Variants in SGTB observed in about 807,000 individuals in gnomAD.
SGTB encodes small glutamine rich tetratricopeptide repeat co-chaperone beta.
Under a neutral mutation model 43.9 loss-of-function variants are expected in SGTB, and 19 were observed. The ratio of observed to expected loss-of-function variants is 0.43; its 90% CI spans 0.30 to 0.63. The LOEUF is 0.63. Among genes scored for constraint, SGTB ranks in the 30% least tolerant of loss-of-function variants. The pLI, the probability that SGTB is intolerant of heterozygous loss-of-function variation, is 0.12. For synonymous variants in SGTB, 116 were observed against 117.3 expected (o/e 0.99, Z 0.07); for missense variants, 304 against 358.9 (o/e 0.85, Z 1.24).
chr5:65,674,018 T>C (rs780588463), intron 8 of SGTB, among the ~76,000 whole-genome samples: 38 of 152,046 alleles, frequency 2.5e-4, no homozygotes, highest in Admixed American at 1.4e-3. Context: ...TGATTAAGAG[T>C]TGTGGCCCTC....
rs1354451625 is a variant in SGTB at position 65,720,694 on chromosome 5, G to A, written c.100+14C>T. 7 of 1,606,812 alleles carry A rather than the reference G, an allele frequency of 4.4e-6. No individual in the cohort carries two copies. In the South Asian group the frequency reaches 7.9e-5, roughly 18 times the overall value. On this transcript the variant is annotated intron_variant, in intron 2 of 10. Coordinates refer to ENST00000381007, the MANE Select transcript of SGTB (RefSeq NM_019072.3). ...TAATTATAATATAAATGAACACAAA[G>A]AGCAGATGCATACCTTCCAAACTTT...
intron 6 of SGTB, among the ~76,000 whole-genome samples, chr5:65,681,272 G>T (rs1757391187): frequency 6.6e-6 from 1 of 152,024 alleles, no homozygotes; most frequent in South Asian, 2.1e-4. Flanking sequence ...TAAGAAAACA[G>T]GCTGTAGTTA....
intron 9 of SGTB, 109 bp from the exon 10 acceptor site, chr5:65,672,107 C>CAAATGT: frequency 6.4e-7 from 1 of 1,566,286 alleles, no homozygotes; most frequent in Non-Finnish European, 8.8e-7. Context: ...AGAGGCTAGG[C>CAAATGT]CAAATGTGTG....
upstream of SGTB, chr5:65,722,502 C>T: frequency 8.2e-7 from 1 of 1,214,272 alleles, no homozygotes; most frequent in South Asian, 1.3e-5. Context: ...CACCCCTTCC[C>T]GACCGCGCCT....
At chr5:65,710,762 C>T (rs1388166687) in intron 3 of SGTB, among the ~76,000 whole-genome samples, 1 of 151,974 alleles carries the variant, frequency 6.6e-6, no homozygotes, top group Non-Finnish European at 1.5e-5. Flanking sequence ...GGAGCCAAGG[C>T]GGGCGGATCA....
At chr5:65,715,234 GA>G (rs1758127089) in intron 2 of SGTB, among the ~76,000 whole-genome samples, 2 of 152,080 alleles carry the variant, frequency 1.3e-5, no homozygotes, top group South Asian at 4.1e-4. Flanking sequence ...TATTCCTAAT[GA>G]AAATAATAGA....
At chr5:65,700,682 CAAAAAAA>C (rs376335799) in intron 5 of SGTB, among the ~76,000 whole-genome samples, 4 of 80,810 alleles carry the variant, frequency 4.9e-5, no homozygotes, top group South Asian at 3.7e-4. Flanking sequence ...CTCTGTCTCC[CAAAAAAA>C]AAAAAAAAAG....
chr5:65,696,182 C>A (rs1384151365), intron 5 of SGTB, among the ~76,000 whole-genome samples: 2 of 152,228 alleles, frequency 1.3e-5, no homozygotes, highest in African/African-American at 2.4e-5. Context: ...TCTCCTCTGC[C>A]TATCCAAGTT....
At chr5:65,722,192 G>T, upstream of SGTB, 1 of 303,896 alleles carries the variant, frequency 3.3e-6, no homozygotes, top group Non-Finnish European at 5.9e-6. Flanking sequence ...GCACGGCGCG[G>T]GGCGGGGCTG....
At chr5:65,687,924 A>G (rs898045604) in intron 5 of SGTB, among the ~76,000 whole-genome samples, 2 of 152,060 alleles carry the variant, frequency 1.3e-5, no homozygotes, top group Non-Finnish European at 2.9e-5. Flanking sequence ...GTGTGCCACC[A>G]TACCCGGCTA....
chr5:65,680,922 G>A, intron 6 of SGTB, 128 bp from the exon 7 acceptor site: 8 of 1,059,124 alleles, frequency 7.6e-6, no homozygotes, highest in Non-Finnish European at 1.1e-5. Context: ...TTTATTCACT[G>A]TACTATGGCT....
intron 2 of SGTB, among the ~76,000 whole-genome samples, chr5:65,716,235 T>C (rs1356182455): frequency 6.6e-6 from 1 of 152,192 alleles, no homozygotes; most frequent in Non-Finnish European, 1.5e-5. Context: ...GGTACATTTA[T>C]AAAGAGAAAG....
chr5:65,710,633 T>C (rs1017786007), intron 3 of SGTB, among the ~76,000 whole-genome samples: 6 of 152,328 alleles, frequency 3.9e-5, no homozygotes, highest in Middle Eastern at 3.4e-3. Context: ...GAATTTACAC[T>C]TTCTCTGCCA....
At chr5:65,676,353 A>G (rs1450795499) in intron 8 of SGTB, among the ~76,000 whole-genome samples, 1 of 152,098 alleles carries the variant, frequency 6.6e-6, no homozygotes, top group African/African-American at 2.4e-5. Flanking sequence ...GCATTACATA[A>G]TGGTAAAGGG....
chr5:65,707,135 C>T (rs1396273823), intron 4 of SGTB, among the ~76,000 whole-genome samples: 9 of 148,484 alleles, frequency 6.1e-5, no homozygotes, highest in East Asian at 4.2e-4. Flanking sequence ...TGGTGGCACG[C>T]GCCTATGATC....
rs1757102642 is a variant in SGTB, at chr5:65,669,099, A to G, written c.*1147T>C. ...ATGCCCCTTTTCTCCACTAACTAAT[A>G]TGGCATCTAATTTATAATAAAATAT... On this transcript the variant is annotated 3_prime_UTR_variant, in exon 11 of 11. Transcript: ENST00000381007. 6.6e-6 allele frequency: 1 copy of G among 152,176 alleles called. No homozygotes were observed. Among genetic ancestry groups the G allele is most frequent in the African/African-American group, 2.4e-5 (1 of 41,448 alleles). 9.4% of individuals were successfully genotyped at this position (152,176 alleles called of 1,614,324 possible). A position where few individuals can be genotyped will look rare whatever the true frequency, so the allele number is the denominator to read the frequency against.
intron 8 of SGTB, among the ~76,000 whole-genome samples, chr5:65,673,241 T>C (rs373100866): frequency 1.1e-4 from 16 of 152,330 alleles, no homozygotes; most frequent in African/African-American, 3.8e-4. Context: ...TACATAAAGC[T>C]TCATTTACAG....
chr5:65,708,332 C>CT (rs1757974291), intron 4 of SGTB, among the ~76,000 whole-genome samples, 157 bp downstream of exon 4: 1 of 152,116 alleles, frequency 6.6e-6, no homozygotes, highest in African/African-American at 2.4e-5. Flanking sequence ...TACTTCCAGG[C>CT]TTCTTACCCA....
At chr5:65,689,537 A>T (rs1757565849) in intron 5 of SGTB, among the ~76,000 whole-genome samples, 1 of 152,242 alleles carries the variant, frequency 6.6e-6, no homozygotes, top group African/African-American at 2.4e-5. Flanking sequence ...GGTTTATAAT[A>T]ACAACTGAAG....
Sources: allele counts gnomAD v4.1 joint callset (sites outside exome capture counted in the v4.1 genomes callset), GRCh38; gene constraint gnomAD v4.1.1; transcripts MANE v1.5; gene names NCBI Gene and HGNC (gene_info 2026-07-23, HGNC 2026-07-21).